The following FIS1 variants were observed in gnomAD, a reference collection of about 807,000 sequenced individuals.
FIS1 encodes the protein fission, mitochondrial 1, also known as mitochondrial fission 1 protein.
A neutral mutation model predicts 21.6 loss-of-function variants in FIS1; 16 were observed. That is an observed-to-expected ratio of 0.74 (90% CI 0.50 to 1.12). FIS1 has a LOEUF of 1.12. Among genes scored for constraint, FIS1 ranks in the 50% most tolerant of loss-of-function variants. FIS1 has a pLI of 0.00. For synonymous variants in FIS1, 92 were observed against 82.2 expected, an observed-to-expected ratio of 1.12 and a Z score of -0.65; for missense variants, 198 against 190.9, an observed-to-expected ratio of 1.04 and a Z score of -0.22.
At chr7:101,240,796 G>A (rs368637918) in intron 3 of FIS1, 34 bp downstream of exon 3, 4 of 1,605,256 alleles carry the variant, frequency 2.5e-6, no homozygotes, top group Non-Finnish European at 3.4e-6. Context: ...TGCAGCCCCA[G>A]AGGAGGGTGA....
Position 101,244,952 on chromosome 7 carries a change from G to A in FIS1, c.45+8C>T. 8.7e-6 allele frequency: 14 copies of A among 1,614,062 alleles called. No homozygotes were observed. Among genetic ancestry groups the A allele is most frequent in the Non-Finnish European group, 1.2e-5 (14 of 1,179,956 alleles). ...CTTCCCTTTCCCTCTGTCCGGGCCAGGCCTCACCAGCAGGTCCTCCACAGA... is the reference window on the plus strand; with the variant it reads ...CTTCCCTTTCCCTCTGTCCGGGCCAAGCCTCACCAGCAGGTCCTCCACAGA... On this transcript the variant is annotated splice_region_variant and intron_variant, in intron 1 of 4. Coordinates refer to ENST00000223136, the MANE Select transcript of FIS1 (RefSeq NM_016068.3).
chr7:101,239,547 T>C lies in FIS1; in HGVS notation c.*259A>G, dbSNP rs1798703720. 3.6e-6 allele frequency: 2 copies of C among 548,724 alleles called. No homozygotes were observed. The highest frequency in any genetic ancestry group is 5.4e-5 in the Admixed American group (2 of 36,798). 34.0% of individuals were successfully genotyped at this position (548,724 alleles called of 1,614,324 possible). ...GGCAGGGGCAGGAGAGGACCAGGAG[T>C]GACGTCTCCGCCCCCTGTGCCCAGC... On this transcript the variant is annotated 3_prime_UTR_variant, in exon 5 of 5. Coordinates refer to ENST00000223136, the MANE Select transcript of FIS1 (RefSeq NM_016068.3).
Position 101,244,747 on chromosome 7 carries a change from G to GCTCA in FIS1, c.45+212_45+213insTGAG, listed in dbSNP as rs1002270058. Reference sequence around the variant, plus strand: ...GTCGGGCTCCAGGCCCGTAGTCTGAGGTGTGGGGGGCTCAGGACACTACAA... The same window carrying GCTCA: ...GTCGGGCTCCAGGCCCGTAGTCTGAGCTCAGTGTGGGGGGCTCAGGACACTACAA... On this transcript the variant is annotated intron_variant, in intron 1 of 4. Transcript: ENST00000223136. 24 of 596,164 alleles carry GCTCA rather than the reference G, an allele frequency of 4.0e-5. No individual in the cohort carries two copies. The Admixed American group carries it at 7.2e-4, about 18-fold the overall frequency. 36.9% of individuals were successfully genotyped at this position (596,164 alleles called of 1,614,324 possible). A position where few individuals can be genotyped will look rare whatever the true frequency, so the allele number is the denominator to read the frequency against.
intron 1 of FIS1, 92 bp downstream of exon 1, chr7:101,244,868 C>G: frequency 1.3e-6 from 2 of 1,528,306 alleles, no homozygotes; most frequent in Non-Finnish European, 1.8e-6. Flanking sequence ...CTCGGCCAAG[C>G]CGATGCCGGG....
At chr7:101,240,005 G>T in intron 4 of FIS1, 102 bp from the exon 5 acceptor site, 1 of 1,398,388 alleles carries the variant, frequency 7.2e-7, no homozygotes, top group African/African-American at 1.4e-5. Context: ...ACCCCTACCT[G>T]GAGTCGCAGG....
intron 3 of FIS1, 83 bp downstream of exon 3, chr7:101,240,747 G>T: frequency 7.4e-7 from 1 of 1,355,826 alleles, no homozygotes; most frequent in Non-Finnish European, 1.1e-6. Flanking sequence ...CCTTCCCGCT[G>T]TCCAGGGCTC....
intron 2 of FIS1, among the ~76,000 whole-genome samples, chr7:101,242,487 GTT>G (rs67075921): frequency 0.031 from 4,136 of 131,940 alleles, 93 homozygotes; most frequent in African/African-American, 0.078. Context: ...TATTTTTATA[GTT>G]TTTTTTTTTT....
At position 101,244,060 on chromosome 7, in the gene FIS1, A is replaced by C. The variant is rs1471143613; in HGVS notation, c.125T>G (p.Leu42Arg). 2 of 1,613,914 alleles carry C rather than the reference A, an allele frequency of 1.2e-6. No individual in the cohort carries two copies. The highest frequency in any genetic ancestry group is 1.7e-6 in the Non-Finnish European group (2 of 1,179,976). The change falls in exon 2 of 5, where the codon CTG becomes CGG. Residue 42 changes from leucine (L) to arginine (R), a missense_variant. By Grantham distance (102) the Leu-to-Arg change is moderately radical (BLOSUM62 -2). Coordinates refer to ENST00000223136, the MANE Select transcript of FIS1 (RefSeq NM_016068.3). ...GTCATCATTGTACTTGCTCCGCACC[A>C]GGCACCAGGCGTACTCAAACTGCGT... ...KSTQFEYAWCLVRSKYNDDIR... is the reference protein window; with the variant it reads ...KSTQFEYAWCRVRSKYNDDIR...
chr7:101,244,222 G>GC (rs59184889), intron 1 of FIS1, 83 bp from the exon 2 acceptor site: 87,633 of 1,479,310 alleles, frequency 0.059, 3,521 homozygotes, highest in African/African-American at 0.19. Context: ...CCCTGGCTCT[G>GC]CCCCTTTCCC....
At position 101,239,842 on chromosome 7, in the gene FIS1, T is replaced by C. The variant is rs749957366; in HGVS notation, c.423A>G (p.Gly141=). 3.8e-6 allele frequency: 6 copies of C among 1,595,282 alleles called. No individual in the cohort carries two copies. In the East Asian group the frequency reaches 1.1e-4, roughly 30 times the overall value. The stretch of plus-strand genomic sequence containing the variant: ...ACTTGGACACAGCAAGTCCGATGAG[T>C]CCGGCCAGTCCCGCCACACCCAGGG... ...GMALGVAGLA[G]LIGLAVSKSK... Residue 141 remains glycine, a synonymous_variant, in exon 5 of 5, where the codon GGA becomes GGG. Transcript: ENST00000223136.
Position 101,239,594 on chromosome 7 carries a change from T to A in FIS1, c.*212A>T. ...CAGCGTTCAGAACCCACCCCTCCCC[T>A]CAACGCAGACACGGGGGTTCCCAAG... is the stretch of plus-strand genomic sequence containing the variant. On this transcript the variant is annotated 3_prime_UTR_variant, in exon 5 of 5. Transcript: ENST00000223136. The A allele has an allele frequency of 5.4e-5, 30 of 557,622 alleles. No individual in the cohort carries two copies. Among genetic ancestry groups the A allele is most frequent in the Non-Finnish European group, 7.1e-5 (21 of 295,908 alleles). 34.5% of individuals were successfully genotyped at this position (557,622 alleles called of 1,614,324 possible). A position where few individuals can be genotyped will look rare whatever the true frequency, so the allele number is the denominator to read the frequency against.
chr7:101,240,808 G>A, intron 3 of FIS1, 22 bp downstream of exon 3: 1 of 1,612,496 alleles, frequency 6.2e-7, no homozygotes, highest in South Asian at 1.1e-5. Flanking sequence ...GGAGGGTGAA[G>A]GGAACGGGGT....
rs755653974 is a variant in FIS1 at position 101,244,039 on chromosome 7, T to C, written c.146A>G (p.Asp49Gly). 1 of 1,613,800 alleles carries C rather than the reference T, an allele frequency of 6.2e-7. No individual in the cohort carries two copies. The highest frequency in any genetic ancestry group is 1.3e-5 in the African/African-American group (1 of 74,922). ...CAGCACGATGCCTTTACGGATGTCA[T>C]CATTGTACTTGCTCCGCACCAGGCA... Reference protein sequence around the residue: ...AWCLVRSKYNDDIRKGIVLLE... With the variant: ...AWCLVRSKYNGDIRKGIVLLE... Residue 49 changes from aspartate (D) to glycine (G), a missense_variant, in exon 2 of 5, where the codon GAT becomes GGT. Physicochemically the swap from Asp to Gly is moderately conservative, Grantham distance 94. Transcript: ENST00000223136.
intron 1 of FIS1, 143 bp downstream of exon 1, chr7:101,244,817 C>T (rs1316930848): frequency 2.0e-6 from 2 of 991,344 alleles, no homozygotes; most frequent in African/African-American, 1.6e-5. Flanking sequence ...GGGCAGGAGC[C>T]AGGCGCTGTG....
rs778301158 is a variant in FIS1 at position 101,239,779 on chromosome 7, C to T, written c.*27G>A. On this transcript the variant is annotated 3_prime_UTR_variant, in exon 5 of 5. Transcript: ENST00000223136. ...CGAGGATGGACAGGCCCTCCTGGAG[C>T]GTTCTCCGTGGGCTCCCGCGTCTCC... 14 of 1,557,880 alleles carry T rather than the reference C, an allele frequency of 9.0e-6. No individual in the cohort carries two copies. Among genetic ancestry groups the T allele is most frequent in the East Asian group, 2.4e-5 (1 of 42,288 alleles).
chr7:101,245,050 G>T lies in FIS1; in HGVS notation c.-46C>A, dbSNP rs1269940191. On this transcript the variant is annotated 5_prime_UTR_variant, in exon 1 of 5. The change creates a new upstream start codon in the 5' untranslated region. Transcript: ENST00000223136. ...TCACACTACAGTCTACTGTGCCACA[G>T]TCTCCATGGCCCAGTGGCAGGGGCG... The T allele has an allele frequency of 6.2e-7, 1 of 1,608,318 alleles. No individual in the cohort carries two copies. The highest frequency in any genetic ancestry group is 1.1e-5 in the South Asian group (1 of 90,248).
intron 2 of FIS1, chr7:101,241,764 A>G (rs1319186113): frequency 6.7e-6 from 1 of 149,794 alleles, no homozygotes; most frequent in Non-Finnish European, 1.5e-5. Context: ...GTTTGAGACC[A>G]GCCTGACCAA....
intron 1 of FIS1, 102 bp downstream of exon 1, chr7:101,244,858 C>T (rs1345272799): frequency 6.7e-7 from 1 of 1,485,584 alleles, no homozygotes; most frequent in Non-Finnish European, 9.3e-7. Context: ...TTCGGCTTCC[C>T]TCGGCCAAGC....
At chr7:101,242,364 G>C (rs1798761675) in intron 2 of FIS1, among the ~76,000 whole-genome samples, 1 of 152,164 alleles carries the variant, frequency 6.6e-6, no homozygotes, top group South Asian at 2.1e-4. Context: ...GCAACACTTA[G>C]AGAGGCTGTT....
Sources: gnomAD v4.1 joint callset for allele counts (sites outside exome capture counted in the v4.1 genomes callset) on GRCh38, gnomAD v4.1.1 for gene constraint, MANE v1.5 for transcripts, NCBI Gene and HGNC (gene_info 2026-07-23, HGNC 2026-07-21) for gene names.